Variants in NTNG1 observed in about 807,000 individuals in gnomAD.
NTNG1 encodes netrin G1.
In NTNG1, 16 loss-of-function variants were observed where a neutral mutation model predicts 54.0. That is an observed-to-expected ratio of 0.30 (90% CI 0.20 to 0.45). The LOEUF is 0.45. Among genes scored for constraint, NTNG1 ranks in the 20% least tolerant of loss-of-function variants. The probability of loss-of-function intolerance (pLI) is 1.00; values close to 1 mark genes in which losing one functional copy is unlikely to be tolerated. For missense variants in NTNG1, 530 were observed against 678.7 expected (o/e 0.78, Z 2.43); for synonymous variants, 255 against 263.1 (o/e 0.97, Z 0.30).
chr1:107,146,084 A>T (rs1345051786), intron 1 of NTNG1, among the ~76,000 whole-genome samples: 2 of 152,102 alleles, frequency 1.3e-5, no homozygotes, highest in Non-Finnish European at 2.9e-5. Context: ...GTGAAGACTA[A>T]TCTCAGGAAG....
chr1:107,376,331 C>T (rs1221619763), intron 3 of NTNG1, among the ~76,000 whole-genome samples: 1 of 151,862 alleles, frequency 6.6e-6, no homozygotes, highest in Non-Finnish European at 1.5e-5. Context: ...TGGCGTGAAC[C>T]CGGGAGGCGG....
At chr1:107,470,221 T>A (rs1180485395) in intron 7 of NTNG1, among the ~76,000 whole-genome samples, 4 of 152,210 alleles carry the variant, frequency 2.6e-5, no homozygotes, top group Admixed American at 6.5e-5. Flanking sequence ...AATACTGAAA[T>A]TTGATAAAAT....
chr1:107,379,177 G>C (rs1025766843), intron 3 of NTNG1, among the ~76,000 whole-genome samples: 1 of 152,148 alleles, frequency 6.6e-6, no homozygotes, highest in Non-Finnish European at 1.5e-5. Flanking sequence ...TTGTTGCAAG[G>C]CTGCTCTTCA....
At chr1:107,249,520 AT>A in intron 2 of NTNG1, among the ~76,000 whole-genome samples, 1 of 151,490 alleles carries the variant, frequency 6.6e-6, no homozygotes, top group Non-Finnish European at 1.5e-5. Flanking sequence ...GGGTAACTAT[AT>A]GTGTATTTGG....
At position 107,334,521 on chromosome 1, in the gene NTNG1, G is replaced by A. The variant is rs79780369; in HGVS notation, c.887+9599G>A. On this transcript the variant is annotated intron_variant, in intron 3 of 7. Coordinates refer to ENST00000370068, the MANE Select transcript of NTNG1 (RefSeq NM_001113226.3). ...GGTCAGAGATTTGGCAGGTTGGAAGGAGACAGCATCATTAACTCCAGTATT... is the reference window on the plus strand; with the variant it reads ...GGTCAGAGATTTGGCAGGTTGGAAGAAGACAGCATCATTAACTCCAGTATT... Among the ~76,000 whole-genome samples the A allele has an allele frequency of 1.8e-3, 271 of 151,930 alleles. 4 individuals are homozygous for A. The East Asian group carries it at 0.028, about 16-fold the overall frequency.
chr1:107,463,395 T>C (rs893771037), intron 7 of NTNG1, among the ~76,000 whole-genome samples: 12 of 152,192 alleles, frequency 7.9e-5, no homozygotes, highest in African/African-American at 2.2e-4. Flanking sequence ...TATCATGTCG[T>C]TTATAACTTG....
At chr1:107,219,943 G>A (rs1037239124) in intron 2 of NTNG1, among the ~76,000 whole-genome samples, 4 of 152,118 alleles carry the variant, frequency 2.6e-5, no homozygotes, top group African/African-American at 9.7e-5. Context: ...GGCAGTGGGT[G>A]GGGCCATAGA....
chr1:107,275,185 T>C (rs1013678800), intron 2 of NTNG1, among the ~76,000 whole-genome samples: 5 of 152,140 alleles, frequency 3.3e-5, no homozygotes, highest in African/African-American at 1.2e-4. Flanking sequence ...AACACCAGCC[T>C]GGCCAATATG....
intron 2 of NTNG1, among the ~76,000 whole-genome samples, chr1:107,323,517 G>A (rs1004074525): frequency 1.4e-4 from 22 of 152,116 alleles, no homozygotes; most frequent in African/African-American, 4.8e-4. Flanking sequence ...AACACATCAA[G>A]TGGCTGTGGT....
At chr1:107,209,560 C>T (rs1452301995) in intron 2 of NTNG1, among the ~76,000 whole-genome samples, 1 of 152,128 alleles carries the variant, frequency 6.6e-6, no homozygotes, top group Non-Finnish European at 1.5e-5. Flanking sequence ...GTAATCAGTC[C>T]CTGACATGTG....
intron 4 of NTNG1, 112 bp from the exon 5 acceptor site, chr1:107,407,567 TTAA>T (rs1259572639): frequency 1.3e-5 from 10 of 782,390 alleles, no homozygotes; most frequent in Non-Finnish European, 1.9e-5. Flanking sequence ...TGCTAATTTC[TTAA>T]TAGTCTGAAT....
At chr1:107,258,456 GA>G (rs1663080837) in intron 2 of NTNG1, among the ~76,000 whole-genome samples, 1 of 151,972 alleles carries the variant, frequency 6.6e-6, no homozygotes, top group Admixed American at 6.5e-5. Context: ...AAAAATAAAA[GA>G]AGTTGGAGTA....
chr1:107,298,835 T>C (rs897634278), intron 2 of NTNG1, among the ~76,000 whole-genome samples: 3 of 152,152 alleles, frequency 2.0e-5, no homozygotes, highest in African/African-American at 7.2e-5. Context: ...GAATATGAAT[T>C]GTGATTCTTG....
intron 3 of NTNG1, among the ~76,000 whole-genome samples, chr1:107,374,317 A>C (rs767500432): frequency 6.6e-6 from 1 of 152,144 alleles, no homozygotes; most frequent in Non-Finnish European, 1.5e-5. Context: ...TCAAATATTT[A>C]TTTGGCCCAC....
At position 107,403,900 on chromosome 1, in the gene NTNG1, C is replaced by T. The variant is rs117492274; in HGVS notation, c.1061-3782C>T. ...AGAAGATGATGTCTTAAATCCCTTT[C>T]AGCTTTCATTTGTTATCACTCTTTC... On this transcript the variant is annotated intron_variant, in intron 4 of 7. Transcript: ENST00000370068. Among the ~76,000 whole-genome samples the T allele has an allele frequency of 1.7e-3, 251 of 151,956 alleles. 3 individuals carry two copies. The East Asian group carries it at 0.043, about 26-fold the overall frequency.
chr1:107,209,187 C>G (rs901016872), intron 2 of NTNG1, among the ~76,000 whole-genome samples: 1 of 151,914 alleles, frequency 6.6e-6, no homozygotes, highest in African/African-American at 2.4e-5. Context: ...TCTGTCCTGA[C>G]CTCATCTGAA....
At chr1:107,293,406 A>G (rs1665745983) in intron 2 of NTNG1, among the ~76,000 whole-genome samples, 1 of 152,232 alleles carries the variant, frequency 6.6e-6, no homozygotes, top group South Asian at 2.1e-4. Flanking sequence ...AGCTAAATTC[A>G]TGAAGGCACC....
At chr1:107,398,438 G>A (rs972841192) in intron 4 of NTNG1, among the ~76,000 whole-genome samples, 1 of 152,094 alleles carries the variant, frequency 6.6e-6, no homozygotes, top group Admixed American at 6.6e-5. Flanking sequence ...AACTTGCTGG[G>A]AGTCATTTGG....
chr1:107,386,110 CA>C (rs1671959342), intron 3 of NTNG1, among the ~76,000 whole-genome samples: 1 of 143,674 alleles, frequency 7.0e-6, no homozygotes, highest in African/African-American at 2.5e-5. Context: ...TATATATACA[CA>C]TATATATACT....
Sources: gnomAD v4.1 joint callset for allele counts (sites outside exome capture counted in the v4.1 genomes callset) on GRCh38, gnomAD v4.1.1 for gene constraint, MANE v1.5 for transcripts, NCBI Gene and HGNC (gene_info 2026-07-23, HGNC 2026-07-21) for gene names.